CPEB2: variants seen among roughly 807,000 people sequenced by gnomAD.
CPEB2 encodes cytoplasmic polyadenylation element binding protein 2.
CPEB2 carries 56 observed loss-of-function variants against 93.6 expected under a neutral mutation model. The observed-to-expected ratio is 0.60, with a 90% CI of 0.48 to 0.75. The LOEUF (loss-of-function observed/expected upper bound fraction) is 0.75, where lower values mean the gene tolerates loss of function less well. Among genes scored for constraint, CPEB2 ranks in the 30% least tolerant of loss-of-function variants. The probability of loss-of-function intolerance (pLI) is 0.00; values close to 1 mark genes in which losing one functional copy is unlikely to be tolerated. For missense variants in CPEB2, 1,579 were observed against 1,395.1 expected, an observed-to-expected ratio of 1.13 and a Z score of -2.10; for synonymous variants, 764 against 586.3, an observed-to-expected ratio of 1.30 and a Z score of -4.38.
chr4:15,042,662 A>G (rs1727300425), intron 6 of CPEB2, among the ~76,000 whole-genome samples: 1 of 152,216 alleles, frequency 6.6e-6, no homozygotes, highest in African/African-American at 2.4e-5. Flanking sequence ...AGGCACACTC[A>G]TTAGAAATAA....
At chr4:15,005,501 T>G (rs1722701339) in intron 1 of CPEB2, among the ~76,000 whole-genome samples, 1 of 152,268 alleles carries the variant, frequency 6.6e-6, no homozygotes. Context: ...TAAATTGGCA[T>G]TGAAAGAGTG....
At position 15,050,800 on chromosome 4, in the gene CPEB2, G is replaced by A. The variant is rs1728152885; in HGVS notation, c.2201-1614G>A. Among the ~76,000 whole-genome samples, 3 of 151,990 alleles carry A rather than the reference G, an allele frequency of 2.0e-5. 1 individual carries two copies. The South Asian group carries it at 6.2e-4, about 32-fold the overall frequency. ...GCTTCTTCCTTGTAAGTTTCCCAAGGAACTGTCCTCATCATTTCTCGCTGG... is the reference window on the plus strand; with the variant it reads ...GCTTCTTCCTTGTAAGTTTCCCAAGAAACTGTCCTCATCATTTCTCGCTGG... On this transcript the variant is annotated intron_variant, in intron 6 of 11. Transcript: ENST00000538197.
At chr4:15,022,767 C>T (rs1724956577) in intron 4 of CPEB2, among the ~76,000 whole-genome samples, 1 of 152,020 alleles carries the variant, frequency 6.6e-6, no homozygotes, top group African/African-American at 2.4e-5. Context: ...GACCCTTCCA[C>T]TACTAAGAAT....
Position 15,066,252 on chromosome 4 carries a change from A to G in CPEB2, c.2977A>G (p.Thr993Ala). 1 of 1,613,490 alleles carries G rather than the reference A, an allele frequency of 6.2e-7. No individual in the cohort carries two copies. Among genetic ancestry groups the G allele is most frequent in the East Asian group, 2.2e-5 (1 of 44,828 alleles). The change falls in exon 12 of 12, where the codon ACT becomes GCT. Residue 993 changes from threonine to alanine, a missense_variant. Thr to Ala is a moderately conservative substitution (Grantham distance 58). Transcript: ENST00000538197. ...TGCTCCCTTTTTTTGTGCCAATGTCACTTGCCTGCAGTATTACTGTGAGTT... is the reference window on the plus strand; with the variant it reads ...TGCTCCCTTTTTTTGTGCCAATGTCGCTTGCCTGCAGTATTACTGTGAGTT... ...KFAPFFCANV[T>A]CLQYYCEFCW...
At chr4:15,026,351 CA>C (rs1290935136) in intron 4 of CPEB2, among the ~76,000 whole-genome samples, 1 of 151,892 alleles carries the variant, frequency 6.6e-6, no homozygotes, top group African/African-American at 2.4e-5. Context: ...CTCAGCTTCC[CA>C]AGTAACTGGG....
At chr4:15,053,103 A>G (rs1258420747) in intron 7 of CPEB2, among the ~76,000 whole-genome samples, 3 of 151,020 alleles carry the variant, frequency 2.0e-5, no homozygotes, top group African/African-American at 7.3e-5. Context: ...TGCAAACTCC[A>G]CTTCCCGGGT....
At chr4:15,016,544 G>A (rs950898597) in intron 3 of CPEB2, among the ~76,000 whole-genome samples, 2 of 151,962 alleles carry the variant, frequency 1.3e-5, no homozygotes, top group Non-Finnish European at 2.9e-5. Context: ...TTTTGCAGGG[G>A]AGTTGGGGGA....
In CPEB2 at chr4:15,068,978, G is replaced by GT. The variant is rs775777545; in HGVS notation, c.*2598_*2599insT. On this transcript the variant is annotated 3_prime_UTR_variant, in exon 12 of 12. Transcript: ENST00000538197. Reference sequence around the variant, plus strand: ...TCTAACTTTTAAACACTGTATTGGAGGTTTTTTTTTAATTTACAGATCATA... The same window carrying GT: ...TCTAACTTTTAAACACTGTATTGGAGTGTTTTTTTTTAATTTACAGATCATA... The GT allele has an allele frequency of 7.7e-5, 9 of 116,480 alleles. No homozygotes were observed. The highest frequency in any genetic ancestry group is 2.0e-4 in the Non-Finnish European group (9 of 45,442). 7.2% of individuals were successfully genotyped at this position (116,480 alleles called of 1,614,324 possible). A position where few individuals can be genotyped will look rare whatever the true frequency, so the allele number is the denominator to read the frequency against.
At chr4:15,066,075 T>C in intron 11 of CPEB2, 78 bp from the exon 12 acceptor site, 2 of 1,250,946 alleles carry the variant, frequency 1.6e-6, no homozygotes. Context: ...TTTTTTCTGC[T>C]GTAGAACATT....
At chr4:15,017,753 C>G (rs1724338126) in intron 4 of CPEB2, 1 of 151,594 alleles carries the variant, frequency 6.6e-6, no homozygotes, top group Non-Finnish European at 1.5e-5. Flanking sequence ...TGAAAAATAG[C>G]TTTTCATAGA....
intron 6 of CPEB2, among the ~76,000 whole-genome samples, chr4:15,044,827 A>G (rs1727503594): frequency 2.0e-5 from 3 of 152,196 alleles, no homozygotes; most frequent in Non-Finnish European, 4.4e-5. Context: ...TGTGCCGCAC[A>G]TACACCTACA....
chr4:15,006,093 A>G lies in CPEB2; in HGVS notation c.1663-1212A>G, dbSNP rs371330430. 3.9e-5 allele frequency among the ~76,000 whole-genome samples: 6 copies of G among 152,210 alleles called. No individual in the cohort carries two copies. The East Asian group carries it at 5.8e-4, about 15-fold the overall frequency. ...TTTAGATCACTGGAAGATAACTTTG[A>G]GCATTAAATCATTTAATAAGGAGAG... On this transcript the variant is annotated intron_variant, in intron 1 of 11. Coordinates refer to ENST00000538197, the MANE Select transcript of CPEB2 (RefSeq NM_001177382.2).
chr4:15,054,717 C>T (rs1728555465), intron 8 of CPEB2, among the ~76,000 whole-genome samples: 1 of 151,958 alleles, frequency 6.6e-6, no homozygotes, highest in Non-Finnish European at 1.5e-5. Flanking sequence ...ACAAGAATTA[C>T]AAATTGTGCT....
intron 4 of CPEB2, among the ~76,000 whole-genome samples, chr4:15,023,675 A>G (rs966792988): frequency 6.6e-6 from 1 of 152,006 alleles, no homozygotes; most frequent in Admixed American, 6.5e-5. Flanking sequence ...TATATAATGA[A>G]AAAATAGAAG....
chr4:15,035,399 A>G (rs1221077814), intron 5 of CPEB2, among the ~76,000 whole-genome samples: 1 of 152,108 alleles, frequency 6.6e-6, no homozygotes, highest in African/African-American at 2.4e-5. Context: ...TGCCTGACTC[A>G]GGGGGACTGT....
chr4:15,017,145 A>G (rs748379716), intron 3 of CPEB2, 43 bp from the exon 4 acceptor site: 2 of 1,140,014 alleles, frequency 1.8e-6, no homozygotes, highest in African/African-American at 3.1e-5. Context: ...CTTTTTGAAA[A>G]AACTGCATAG....
chr4:15,066,632 G>A lies in CPEB2; in HGVS notation c.*252G>A. 6.4e-6 allele frequency: 3 copies of A among 465,358 alleles called. No homozygotes were observed. The highest frequency in any genetic ancestry group is 7.7e-6 in the Non-Finnish European group (2 of 261,030). The allele number at this position is 465,358 out of a possible 1,614,324, so 28.8% of individuals were successfully genotyped here. ...AAATGTTTTTTTGTATTTTCTCCAA[G>A]TTATTTTTATATGTAAAGTTAAAAT... On this transcript the variant is annotated 3_prime_UTR_variant, in exon 12 of 12. Coordinates refer to ENST00000538197, the MANE Select transcript of CPEB2 (RefSeq NM_001177382.2).
chr4:15,052,120 T>C (rs577844436), intron 6 of CPEB2, among the ~76,000 whole-genome samples: 4 of 152,214 alleles, frequency 2.6e-5, no homozygotes, highest in African/African-American at 9.6e-5. Context: ...TCCACATACA[T>C]TAGGTTCTTG....
intron 7 of CPEB2, among the ~76,000 whole-genome samples, chr4:15,052,865 A>G (rs1432740465): frequency 6.6e-6 from 1 of 152,054 alleles, no homozygotes; most frequent in East Asian, 1.9e-4. Context: ...ACTTGTTTTT[A>G]AAATATAGAA....
Sources: gnomAD v4.1 joint callset for allele counts (sites outside exome capture counted in the v4.1 genomes callset) on GRCh38, gnomAD v4.1.1 for gene constraint, MANE v1.5 for transcripts, NCBI Gene and HGNC (gene_info 2026-07-23, HGNC 2026-07-21) for gene names.